ADAMTS16: variants seen among roughly 807,000 people sequenced by gnomAD.
ADAMTS16 encodes the protein A disintegrin and metalloproteinase with thrombospondin motifs 16.
ADAMTS16 carries 94 observed loss-of-function variants against 145.8 expected under a neutral mutation model. The observed-to-expected ratio is 0.64, with a 90% CI of 0.55 to 0.77. The LOEUF is 0.77. Among genes scored for constraint, ADAMTS16 ranks in the 30% least tolerant of loss-of-function variants. The pLI is 0.00. For synonymous variants in ADAMTS16, 659 were observed against 604.3 expected (o/e 1.09, Z -1.33); for missense variants, 1,585 against 1,591.5 (o/e 1.00, Z 0.07).
At chr5:5,232,765 C>A (rs1736973521) in intron 12 of ADAMTS16, among the ~76,000 whole-genome samples, 1 of 151,808 alleles carries the variant, frequency 6.6e-6, no homozygotes, top group Admixed American at 6.6e-5. Context: ...ACCACGCCCT[C>A]CTAATTTTTG....
intron 17 of ADAMTS16, among the ~76,000 whole-genome samples, chr5:5,250,190 G>T (rs1481671469): frequency 6.6e-6 from 1 of 152,154 alleles, no homozygotes; most frequent in Non-Finnish European, 1.5e-5. Context: ...AGGCTTAAGG[G>T]TGGAGCCCTC....
At chr5:5,301,183 T>C (rs12109945) in intron 18 of ADAMTS16, among the ~76,000 whole-genome samples, 112,319 of 152,038 alleles carry the variant, frequency 0.74, 41,910 homozygotes, top group South Asian at 0.82. Flanking sequence ...GTGATCTTCC[T>C]GAGTAGCTGG....
intron 18 of ADAMTS16, among the ~76,000 whole-genome samples, chr5:5,272,398 G>A (rs1185041779): frequency 7.9e-6 from 1 of 126,418 alleles, no homozygotes; most frequent in Non-Finnish European, 1.6e-5. Flanking sequence ...GTCTTGCTCT[G>A]TCACCCAGGC....
rs1310228878 is a variant in ADAMTS16, at chr5:5,191,725, C to T, written c.1248C>T (p.Ser416=). The T allele has an allele frequency of 6.2e-7, 1 of 1,613,758 alleles. No homozygotes were observed. The highest frequency in any genetic ancestry group is 2.2e-5 in the East Asian group (1 of 44,856). The change falls in exon 8 of 23, where the codon AGC becomes AGT. Residue 416 remains serine (S), a synonymous_variant. Coordinates refer to ENST00000274181, the MANE Select transcript of ADAMTS16 (RefSeq NM_139056.4). ...GTGGAATGTGTAGTAAATATCGCAG[C>T]TGCACGATTAATGAAGATACAGGTC... ...PISGMCSKYR[S]CTINEDTGLG...
At position 5,317,350 on chromosome 5, in the gene ADAMTS16, C is replaced by T. The variant is rs1445784570; in HGVS notation, c.3412-784C>T. ...AATTTGAGGAGATAATATGCCAATC[C>T]ATGAATATCAGCTTTTTTAATCAGT... On this transcript the variant is annotated intron_variant, in intron 21 of 22. Coordinates refer to ENST00000274181, the MANE Select transcript of ADAMTS16 (RefSeq NM_139056.4). This position sits in a 1 kb window ranked among gnomAD's most constrained non-coding sequence, Gnocchi z 4.5. 3.3e-5 allele frequency among the ~76,000 whole-genome samples: 5 copies of T among 152,122 alleles called. No individual in the cohort carries two copies. Among genetic ancestry groups the T allele is most frequent in the African/African-American group, 1.2e-4 (5 of 41,418 alleles).
At chr5:5,275,971 G>A (rs1261471973) in intron 18 of ADAMTS16, among the ~76,000 whole-genome samples, 1 of 151,818 alleles carries the variant, frequency 6.6e-6, no homozygotes, top group Non-Finnish European at 1.5e-5. Flanking sequence ...CAATTCTCCT[G>A]TCTCAGCCTC....
intron 18 of ADAMTS16, among the ~76,000 whole-genome samples, chr5:5,286,897 C>G (rs1267731203): frequency 3.3e-5 from 5 of 150,104 alleles, no homozygotes; most frequent in Admixed American, 1.3e-4. Context: ...TTTTTATAAC[C>G]CTTTAGTATG....
chr5:5,222,811 G>T lies in ADAMTS16; in HGVS notation c.1628G>T (p.Cys543Phe). 1 of 1,614,114 alleles carries T rather than the reference G, an allele frequency of 6.2e-7. No individual in the cohort carries two copies. Among genetic ancestry groups the T allele is most frequent in the South Asian group, 1.1e-5 (1 of 91,080 alleles). Residue 543 changes from cysteine to phenylalanine, a missense_variant, in exon 11 of 23, where the codon TGC (cysteine) becomes TTC (phenylalanine). Cys to Phe is a radical substitution (Grantham distance 205). Around this residue, in one of 3 missense-constraint regions of ADAMTS16, gnomAD observed 298 missense variants for 367.6 expected, o/e 0.81. Coordinates refer to ENST00000274181, the MANE Select transcript of ADAMTS16 (RefSeq NM_139056.4). ...TAGGACATCTGTAAAGCCCTGTGGT[G>T]CCATCGTATTGGAAGGAAATGTGAG... ...FKKDICKALW[C>F]HRIGRKCETK... is the part of the protein sequence containing the mutation.
chr5:5,144,215 C>G (rs1237365588), intron 2 of ADAMTS16, among the ~76,000 whole-genome samples: 1 of 152,112 alleles, frequency 6.6e-6, no homozygotes, highest in Non-Finnish European at 1.5e-5. Flanking sequence ...TCTCTTCCTA[C>G]CCCCCTCTGC....
At chr5:5,299,155 A>G (rs1210725225) in intron 18 of ADAMTS16, among the ~76,000 whole-genome samples, 1 of 152,226 alleles carries the variant, frequency 6.6e-6, no homozygotes, top group African/African-American at 2.4e-5. Context: ...TTATTGTGTT[A>G]TGAGAGACTC....
At chr5:5,265,530 C>A (rs1372510399) in intron 18 of ADAMTS16, among the ~76,000 whole-genome samples, 1 of 152,174 alleles carries the variant, frequency 6.6e-6, no homozygotes, top group Non-Finnish European at 1.5e-5. Context: ...ACAGGAAATT[C>A]TTTGGGAAGC....
chr5:5,196,974 C>T (rs1735822870), intron 8 of ADAMTS16, among the ~76,000 whole-genome samples: 1 of 152,244 alleles, frequency 6.6e-6, no homozygotes, highest in South Asian at 2.1e-4. Context: ...TCCCTCAGTT[C>T]CCCGCAACTG....
chr5:5,167,467 G>A (rs546148772), intron 3 of ADAMTS16, among the ~76,000 whole-genome samples: 1 of 152,324 alleles, frequency 6.6e-6, no homozygotes, highest in South Asian at 2.1e-4. Flanking sequence ...TACAGGTACA[G>A]GATCTCAGAA....
At chr5:5,303,909 A>G (rs1160164654) in intron 20 of ADAMTS16, 143 bp downstream of exon 20, 12 of 953,948 alleles carry the variant, frequency 1.3e-5, no homozygotes, top group African/African-American at 6.6e-5. Flanking sequence ...TCAGCTTCCA[A>G]CAACTTCATG....
At position 5,148,321 on chromosome 5, in the gene ADAMTS16, G is replaced by A. The variant is rs144577723; in HGVS notation, c.501+1866G>A. Among the ~76,000 whole-genome samples, 186 of 152,308 alleles carry A rather than the reference G, an allele frequency of 1.2e-3. 3 individuals carry two copies. Among genetic ancestry groups the A allele is most frequent in the African/African-American group, 4.3e-3 (180 of 41,584 alleles). On this transcript the variant is annotated intron_variant, in intron 3 of 22. Coordinates refer to ENST00000274181, the MANE Select transcript of ADAMTS16 (RefSeq NM_139056.4). ...AATCAAAGGCATTTGAAAGAGCCCT[G>A]TTCTTATTTAGGTATCTTTGCAGAG...
intron 8 of ADAMTS16, among the ~76,000 whole-genome samples, chr5:5,196,400 T>A (rs1169069713): frequency 1.3e-5 from 2 of 152,154 alleles, no homozygotes; most frequent in East Asian, 3.9e-4. Flanking sequence ...TTGTCACCAG[T>A]CTGGGCCTCT....
At chr5:5,168,103 A>G (rs1363405722) in intron 3 of ADAMTS16, among the ~76,000 whole-genome samples, 1 of 152,174 alleles carries the variant, frequency 6.6e-6, no homozygotes, top group South Asian at 2.1e-4. Context: ...TATAACTACA[A>G]ATGCAACAAC....
intron 18 of ADAMTS16, among the ~76,000 whole-genome samples, chr5:5,297,712 C>A (rs924052236): frequency 6.6e-6 from 1 of 151,772 alleles, no homozygotes; most frequent in South Asian, 2.1e-4. Context: ...TCCTCCACAC[C>A]TTTGGCTCCT....
At chr5:5,285,730 G>C (rs1223694829) in intron 18 of ADAMTS16, among the ~76,000 whole-genome samples, 1 of 152,142 alleles carries the variant, frequency 6.6e-6, no homozygotes, top group Non-Finnish European at 1.5e-5. Flanking sequence ...AATAGATGTT[G>C]ATTTCTTTAA....
Sources: allele counts gnomAD v4.1 joint callset (sites outside exome capture counted in the v4.1 genomes callset), GRCh38; gene constraint gnomAD v4.1.1; regional missense constraint gnomAD v4.1.1; non-coding constraint Gnocchi (gnomAD v3.1); transcripts MANE v1.5; gene names NCBI Gene and HGNC (gene_info 2026-07-23, HGNC 2026-07-21).